Variants in RSPH14 observed in about 807,000 individuals in gnomAD.
RSPH14 encodes the protein radial spoke head 14 homolog.
Under a neutral mutation model 26.7 loss-of-function variants are expected in RSPH14, and 20 were observed. That is an observed-to-expected ratio of 0.75 (90% CI 0.53 to 1.09). The LOEUF is 1.09. Ranked by LOEUF, RSPH14 falls within the 50% of genes least tolerant of loss-of-function variation. The pLI is 0.00. For missense variants in RSPH14, 449 were observed against 457.2 expected (o/e 0.98, Z 0.16); for synonymous variants, 177 against 189.3 (o/e 0.93, Z 0.53).
At chr22:23,146,085 G>A (rs1290981943), upstream of RSPH14, 1 of 923,056 alleles carries the variant, frequency 1.1e-6, no homozygotes, top group African/African-American at 1.8e-5. Flanking sequence ...GGAGACCCAG[G>A]TCTTCTGACT....
chr22:23,162,590 C>T, the RSPH14 span: 1 of 454,134 alleles, frequency 2.2e-6, no homozygotes, highest in Non-Finnish European at 4.4e-6. Context: ...GACAGAAATA[C>T]CCCACACATT....
At chr22:23,167,719 T>A in the RSPH14 span, among the ~76,000 whole-genome samples, 1 of 151,834 alleles carries the variant, frequency 6.6e-6, no homozygotes, top group African/African-American at 2.4e-5. Context: ...TTATTTTTTT[T>A]TTTAAGGCAA....
chr22:23,150,198 GA>G, the RSPH14 span: 17 of 1,453,850 alleles, frequency 1.2e-5, no homozygotes, highest in Non-Finnish European at 1.4e-5. Flanking sequence ...TGGCAAGAAG[GA>G]ATGAGTGCAT....
chr22:23,097,584 G>T (rs2069164359), intron 4 of RSPH14, among the ~76,000 whole-genome samples: 1 of 152,262 alleles, frequency 6.6e-6, no homozygotes, highest in African/African-American at 2.4e-5. Context: ...GGGCAGGCAG[G>T]TGTGTACGCA....
At chr22:23,163,369 A>G in the RSPH14 span, 2 of 152,552 alleles carry the variant, frequency 1.3e-5, no homozygotes, top group African/African-American at 2.4e-5. Flanking sequence ...AGCTGGGACT[A>G]CAGGCACGTG....
chr22:23,133,149 G>A (rs1295847621), intron 4 of RSPH14: 2 of 152,130 alleles, frequency 1.3e-5, no homozygotes, highest in Non-Finnish European at 2.9e-5. Context: ...ATTTATAAGG[G>A]TGTTCATAGC....
intron 4 of RSPH14, among the ~76,000 whole-genome samples, chr22:23,102,989 G>T (rs1370699796): frequency 6.6e-6 from 1 of 152,232 alleles, no homozygotes; most frequent in Admixed American, 6.5e-5. Flanking sequence ...GTGCTGGTAA[G>T]CCTTGAGGGA....
intron 4 of RSPH14, among the ~76,000 whole-genome samples, chr22:23,069,629 C>T (rs2068289256): frequency 6.6e-6 from 1 of 152,190 alleles, no homozygotes; most frequent in African/African-American, 2.4e-5. Context: ...CGGTCCTTCT[C>T]CCTTCCTTCC....
At chr22:23,158,844 C>T in the RSPH14 span, 2 of 1,535,818 alleles carry the variant, frequency 1.3e-6, no homozygotes, top group East Asian at 2.3e-5. Flanking sequence ...CCTCTGCCCC[C>T]TGTTTGGGGT....
chr22:23,090,534 G>A (rs1229280183), intron 4 of RSPH14, among the ~76,000 whole-genome samples: 3 of 152,102 alleles, frequency 2.0e-5, no homozygotes, highest in East Asian at 1.9e-4. Flanking sequence ...CTCCTGACTC[G>A]CCCTTAAGTG....
At chr22:23,154,878 C>A in the RSPH14 span, among the ~76,000 whole-genome samples, 1 of 152,200 alleles carries the variant, frequency 6.6e-6, no homozygotes, top group Non-Finnish European at 1.5e-5. Flanking sequence ...GTAATCCCAG[C>A]ACTTTGGGAG....
chr22:23,128,770 C>T (rs1186901488), intron 4 of RSPH14, among the ~76,000 whole-genome samples: 1 of 152,236 alleles, frequency 6.6e-6, no homozygotes, highest in Admixed American at 6.5e-5. Flanking sequence ...AAGGAATGAG[C>T]AAGCAGGTAA....
chr22:23,077,576 G>A (rs1343116460), intron 4 of RSPH14, among the ~76,000 whole-genome samples: 2 of 152,168 alleles, frequency 1.3e-5, no homozygotes, highest in Non-Finnish European at 1.5e-5. Context: ...TGTGGTTTCA[G>A]CTCCAGGTGT....
At chr22:23,094,669 C>G (rs989572113) in intron 4 of RSPH14, among the ~76,000 whole-genome samples, 5 of 152,256 alleles carry the variant, frequency 3.3e-5, no homozygotes, top group African/African-American at 9.6e-5. Flanking sequence ...CCACCTTGCT[C>G]TGGTCCCTGC....
chr22:23,078,504 C>T (rs921296799), intron 4 of RSPH14, among the ~76,000 whole-genome samples: 2 of 152,238 alleles, frequency 1.3e-5, no homozygotes, highest in African/African-American at 2.4e-5. Context: ...TGTCGTGGCT[C>T]CTGGAGTGCT....
chr22:23,060,518 T>G (rs1473787758), intron 6 of RSPH14, among the ~76,000 whole-genome samples: 1 of 152,106 alleles, frequency 6.6e-6, no homozygotes, highest in Non-Finnish European at 1.5e-5. Flanking sequence ...TTGCCAATAT[T>G]TCTTGAGCAC....
the RSPH14 span, chr22:23,163,848 T>TGGC: frequency 6.6e-6 from 1 of 152,240 alleles, no homozygotes; most frequent in African/African-American, 2.4e-5. Flanking sequence ...CCTAGGGAGC[T>TGGC]GGCGCCAAGG....
chr22:23,111,580 T>C (rs1034643222), intron 4 of RSPH14, among the ~76,000 whole-genome samples: 2 of 152,242 alleles, frequency 1.3e-5, no homozygotes, highest in Admixed American at 6.5e-5. Flanking sequence ...CCAAGGTCAC[T>C]TTAGTAGAAC....
At chr22:23,159,362 C>T in the RSPH14 span, 2 of 1,096,710 alleles carry the variant, frequency 1.8e-6, no homozygotes, top group South Asian at 1.6e-5. Flanking sequence ...TCTGTTCCCT[C>T]TGTGGCCCTG....
Sources: allele counts gnomAD v4.1 joint callset (sites outside exome capture counted in the v4.1 genomes callset), GRCh38; gene constraint gnomAD v4.1.1; transcripts MANE v1.5; gene names NCBI Gene and HGNC (gene_info 2026-07-23, HGNC 2026-07-21).